The following EPB41L2 variants were observed in gnomAD, a reference collection of about 807,000 sequenced individuals.
EPB41L2 encodes the protein erythrocyte membrane protein band 4.1 like 2.
In EPB41L2, 43 loss-of-function variants were observed where a neutral mutation model predicts 113.0. That is an observed-to-expected ratio of 0.38 (90% confidence interval 0.30 to 0.49). The LOEUF is 0.49. Among genes scored for constraint, EPB41L2 ranks in the 20% least tolerant of loss-of-function variants. The pLI is 0.95. For synonymous variants in EPB41L2, 442 were observed against 436.7 expected (o/e 1.01, Z -0.15); for missense variants, 1,147 against 1,223.4 (o/e 0.94, Z 0.93).
chr6:130,996,370 T>G (rs1422780068), intron 1 of EPB41L2, among the ~76,000 whole-genome samples: 1 of 138,152 alleles, frequency 7.2e-6, no homozygotes, highest in Admixed American at 7.2e-5. Flanking sequence ...CAGCTCTTGT[T>G]GGAAATCAGT....
At chr6:131,040,128 C>A (rs1248772728) in intron 1 of EPB41L2, among the ~76,000 whole-genome samples, 1 of 152,158 alleles carries the variant, frequency 6.6e-6, no homozygotes, top group African/African-American at 2.4e-5. Context: ...CCCTACTAAA[C>A]TATATACTTA....
intron 3 of EPB41L2, among the ~76,000 whole-genome samples, chr6:130,929,516 C>T (rs1805973674): frequency 6.6e-6 from 1 of 152,142 alleles, no homozygotes; most frequent in Non-Finnish European, 1.5e-5. Context: ...ACTGTGAGGA[C>T]TTGCCAAGCT....
intron 1 of EPB41L2, among the ~76,000 whole-genome samples, chr6:130,982,806 T>C (rs1157803716): frequency 1.3e-5 from 2 of 152,216 alleles, no homozygotes; most frequent in African/African-American, 4.8e-5. Context: ...AAGGCACATA[T>C]TATCAAGTTC....
chr6:130,937,778 T>C (rs928153045), intron 3 of EPB41L2, among the ~76,000 whole-genome samples: 4 of 148,026 alleles, frequency 2.7e-5, no homozygotes, highest in Admixed American at 1.3e-4. Context: ...ATCGTGCCAC[T>C]GCCCTCCGGC....
intron 10 of EPB41L2, 24 bp from the exon 11 acceptor site, chr6:130,890,490 A>AAAG: frequency 6.6e-7 from 1 of 1,508,666 alleles, no homozygotes; most frequent in South Asian, 1.3e-5. Context: ...AAAAAAAAAA[A>AAAG]AGAGAGAGAG....
At chr6:131,058,101 G>C (rs1471811154) in intron 1 of EPB41L2, among the ~76,000 whole-genome samples, 1 of 152,318 alleles carries the variant, frequency 6.6e-6, no homozygotes. Context: ...TAATAAGGTA[G>C]AGTGAAAATA....
intron 8 of EPB41L2, among the ~76,000 whole-genome samples, chr6:130,896,781 G>A (rs1794794931): frequency 6.6e-6 from 1 of 152,122 alleles, no homozygotes; most frequent in South Asian, 2.1e-4. Flanking sequence ...TAAACTAATG[G>A]AAAGGAGCAC....
chr6:130,970,152 T>G (rs1337896224), intron 1 of EPB41L2: 1 of 152,182 alleles, frequency 6.6e-6, no homozygotes, highest in Non-Finnish European at 1.5e-5. Flanking sequence ...TTTTCCTAAT[T>G]TTCAGTCCCC....
chr6:130,929,745 C>A (rs1196048377), intron 3 of EPB41L2, among the ~76,000 whole-genome samples: 1 of 152,022 alleles, frequency 6.6e-6, no homozygotes, highest in Admixed American at 6.6e-5. Context: ...CAGTAGCCTA[C>A]AAGATAGCCT....
chr6:130,875,527 G>A (rs766179553), intron 14 of EPB41L2, among the ~76,000 whole-genome samples: 7 of 151,994 alleles, frequency 4.6e-5, no homozygotes, highest in South Asian at 2.1e-4. Context: ...GTCCTTACAC[G>A]TGGATACATT....
At chr6:131,021,770 G>A (rs1384340477) in intron 1 of EPB41L2, among the ~76,000 whole-genome samples, 1 of 152,060 alleles carries the variant, frequency 6.6e-6, no homozygotes, top group African/African-American at 2.4e-5. Context: ...ACCCTATGAA[G>A]TAAAAACTAT....
At chr6:131,007,655 C>T (rs1397685254) in intron 1 of EPB41L2, among the ~76,000 whole-genome samples, 1 of 152,114 alleles carries the variant, frequency 6.6e-6, no homozygotes, top group African/African-American at 2.4e-5. Flanking sequence ...CAATGAAGTC[C>T]AAGCTGAGGT....
chr6:130,991,803 CAGA>C (rs1781934088), intron 1 of EPB41L2, among the ~76,000 whole-genome samples: 2 of 152,096 alleles, frequency 1.3e-5, no homozygotes, highest in Admixed American at 1.3e-4. Context: ...TATTCCTCTT[CAGA>C]AGGAGATTTG....
chr6:130,994,872 C>A (rs201180930), intron 1 of EPB41L2, among the ~76,000 whole-genome samples: 1 of 152,144 alleles, frequency 6.6e-6, no homozygotes, highest in African/African-American at 2.4e-5. Context: ...AGAGGCTAAT[C>A]AGAAACTCAA....
intron 1 of EPB41L2, among the ~76,000 whole-genome samples, chr6:131,003,340 C>T (rs980393519): frequency 5.9e-5 from 9 of 152,170 alleles, no homozygotes; most frequent in African/African-American, 2.2e-4. Context: ...GAGGCCAGGT[C>T]TCATTTTATT....
chr6:130,846,507 G>A (rs1469530423), intron 19 of EPB41L2, among the ~76,000 whole-genome samples: 1 of 152,210 alleles, frequency 6.6e-6, no homozygotes, highest in East Asian at 1.9e-4. Context: ...TTGTGTATCT[G>A]CTGAGTACAG....
At chr6:130,998,909 T>G (rs1483915884) in intron 1 of EPB41L2, among the ~76,000 whole-genome samples, 3 of 152,058 alleles carry the variant, frequency 2.0e-5, no homozygotes, top group Non-Finnish European at 4.4e-5. Context: ...AGAAAGCAAT[T>G]CTTCTACCTC....
chr6:130,865,745 TG>T, intron 16 of EPB41L2, 111 bp from the exon 17 acceptor site: 1 of 1,112,678 alleles, frequency 9.0e-7, no homozygotes, highest in Non-Finnish European at 1.3e-6. Flanking sequence ...GTGGTTTGCG[TG>T]TTTGCAGTAG....
chr6:130,986,815 T>A (rs1056941906), intron 1 of EPB41L2, among the ~76,000 whole-genome samples: 1 of 152,172 alleles, frequency 6.6e-6, no homozygotes, highest in East Asian at 1.9e-4. Context: ...GAACTGTATA[T>A]TTTAAAATGG....
Sources: allele counts gnomAD v4.1 joint callset (sites outside exome capture counted in the v4.1 genomes callset), GRCh38; gene constraint gnomAD v4.1.1; transcripts MANE v1.5; gene names NCBI Gene and HGNC (gene_info 2026-07-23, HGNC 2026-07-21).